The following CUL5 variants were observed in gnomAD, a reference collection of about 807,000 sequenced individuals.
CUL5 encodes cullin-5.
A neutral mutation model predicts 108.8 loss-of-function variants in CUL5; 26 were observed. The observed-to-expected ratio is 0.24, with a 90% CI of 0.18 to 0.33. The LOEUF is 0.33. Among genes scored for constraint, CUL5 ranks in the 10% least tolerant of loss-of-function variants. The probability of loss-of-function intolerance (pLI) is 1.00; values close to 1 mark genes in which losing one functional copy is unlikely to be tolerated. For missense variants in CUL5, 524 were observed against 909.2 expected (o/e 0.58, Z 5.45); for synonymous variants, 334 against 298.0 (o/e 1.12, Z -1.25).
chr11:108,083,661 C>T (rs752380005), intron 11 of CUL5, among the ~76,000 whole-genome samples: 10 of 152,154 alleles, frequency 6.6e-5, no homozygotes, highest in South Asian at 2.1e-4. Context: ...CATGATGGTG[C>T]GTGCCTGTAG....
At chr11:108,097,868 C>A in intron 17 of CUL5, 114 bp downstream of exon 17, 2 of 599,520 alleles carry the variant, frequency 3.3e-6, no homozygotes, top group Non-Finnish European at 6.0e-6. Flanking sequence ...ATACTGTCAT[C>A]ACTCTAAACT....
intron 1 of CUL5, among the ~76,000 whole-genome samples, chr11:108,015,169 G>C (rs1454773111): frequency 6.6e-6 from 1 of 152,172 alleles, no homozygotes; most frequent in Non-Finnish European, 1.5e-5. Context: ...AAAGTGCTGG[G>C]ATTACAGGCA....
intron 11 of CUL5, among the ~76,000 whole-genome samples, chr11:108,080,204 C>G (rs1407099838): frequency 6.6e-6 from 1 of 151,170 alleles, no homozygotes; most frequent in African/African-American, 2.4e-5. Context: ...TTAAGCAGTC[C>G]TCCTGGTTCA....
chr11:108,022,153 C>T (rs115600167), intron 1 of CUL5, among the ~76,000 whole-genome samples: 3,375 of 152,248 alleles, frequency 0.022, 137 homozygotes, highest in African/African-American at 0.074. Context: ...CATTTGACAT[C>T]ATTAAAATAT....
chr11:108,010,011 T>C (rs1862024190), intron 1 of CUL5, among the ~76,000 whole-genome samples: 1 of 152,228 alleles, frequency 6.6e-6, no homozygotes, highest in Non-Finnish European at 1.5e-5. Context: ...AGCGATACCA[T>C]CGTTTTAGGG....
At chr11:108,068,449 G>T (rs1307198450) in intron 7 of CUL5, among the ~76,000 whole-genome samples, 3 of 151,784 alleles carry the variant, frequency 2.0e-5, no homozygotes, top group East Asian at 1.9e-4. Flanking sequence ...CCCCCAACTC[G>T]CAGGGACCAC....
intron 11 of CUL5, among the ~76,000 whole-genome samples, chr11:108,081,265 G>A (rs1325585803): frequency 2.0e-5 from 3 of 152,162 alleles, no homozygotes; most frequent in African/African-American, 7.2e-5. Flanking sequence ...TCCAGCCTGG[G>A]TGACAGAGTG....
intron 1 of CUL5, among the ~76,000 whole-genome samples, chr11:108,010,299 C>T (rs1335051300): frequency 6.6e-6 from 1 of 152,242 alleles, no homozygotes; most frequent in Non-Finnish European, 1.5e-5. Context: ...GGATGAACCA[C>T]TTCTTCCTGA....
At chr11:108,050,371 CTT>C (rs879764017) in intron 4 of CUL5, among the ~76,000 whole-genome samples, 9 of 144,784 alleles carry the variant, frequency 6.2e-5, no homozygotes, top group African/African-American at 7.6e-5. Context: ...TCTTTGTACT[CTT>C]TTTTTTTTTT....
intron 18 of CUL5, among the ~76,000 whole-genome samples, chr11:108,101,742 A>C (rs1449154893): frequency 6.6e-6 from 1 of 152,212 alleles, no homozygotes; most frequent in Admixed American, 6.5e-5. Context: ...GACCAGGGCC[A>C]GTGTCCCTCT....
intron 11 of CUL5, among the ~76,000 whole-genome samples, chr11:108,082,370 T>C (rs1456368031): frequency 6.6e-6 from 1 of 151,398 alleles, no homozygotes; most frequent in Non-Finnish European, 1.5e-5. Flanking sequence ...AGTGTTGCCC[T>C]CCTGAGCTCG....
intron 1 of CUL5, among the ~76,000 whole-genome samples, chr11:108,026,078 C>T (rs992800643): frequency 3.9e-5 from 6 of 152,192 alleles, no homozygotes; most frequent in Non-Finnish European, 5.9e-5. Flanking sequence ...ACCTTGAAGT[C>T]CATTTTCTCC....
intron 7 of CUL5, among the ~76,000 whole-genome samples, chr11:108,062,891 G>A (rs1863575750): frequency 6.6e-6 from 1 of 152,152 alleles, no homozygotes; most frequent in Non-Finnish European, 1.5e-5. Context: ...GCCCACCCAG[G>A]CTGGAGTGCT....
intron 5 of CUL5, among the ~76,000 whole-genome samples, chr11:108,053,609 C>G (rs1433639344): frequency 1.3e-5 from 2 of 151,130 alleles, no homozygotes; most frequent in Non-Finnish European, 2.9e-5. Flanking sequence ...ATATGGTGTT[C>G]ATAAGATTAA....
intron 7 of CUL5, 59 bp downstream of exon 7, chr11:108,055,014 A>G: frequency 2.6e-6 from 3 of 1,147,554 alleles, no homozygotes; most frequent in Non-Finnish European, 3.8e-6. Flanking sequence ...AAGCATAGGA[A>G]TGGCAAATAA....
In CUL5 at chr11:108,017,280, C is replaced by A. The variant is rs190867596; in HGVS notation, c.24+7908C>A. Among the ~76,000 whole-genome samples, 4 of 150,988 alleles carry A rather than the reference C, an allele frequency of 2.6e-5. No individual in the cohort carries two copies. In the Admixed American group the frequency reaches 2.7e-4, roughly 10 times the overall value. On this transcript the variant is annotated intron_variant, in intron 1 of 18. Transcript: ENST00000393094. ...TGGTGTACGGTTTTAGTTCTAGCTA[C>A]TCAGGAAGCTGAGTTGGGAGGCTTG...
intron 7 of CUL5, among the ~76,000 whole-genome samples, chr11:108,058,527 C>T (rs188587352): frequency 3.3e-5 from 5 of 150,698 alleles, no homozygotes; most frequent in East Asian, 2.0e-4. Flanking sequence ...GGATTACAGA[C>T]GTGAGCCACT....
At chr11:108,020,780 A>G (rs1254288752) in intron 1 of CUL5, among the ~76,000 whole-genome samples, 1 of 152,244 alleles carries the variant, frequency 6.6e-6, no homozygotes, top group Admixed American at 6.5e-5. Context: ...ATGAGCTTAT[A>G]TTAATTTATT....
At chr11:108,090,367 G>C (rs1165118340) in intron 13 of CUL5, among the ~76,000 whole-genome samples, 1 of 152,082 alleles carries the variant, frequency 6.6e-6, no homozygotes, top group Non-Finnish European at 1.5e-5. Context: ...TGGGGGGCCT[G>C]TAGTCCCAGC....
Sources: gnomAD v4.1 joint callset for allele counts (sites outside exome capture counted in the v4.1 genomes callset) on GRCh38, gnomAD v4.1.1 for gene constraint, MANE v1.5 for transcripts, NCBI Gene and HGNC (gene_info 2026-07-23, HGNC 2026-07-21) for gene names.